The following MAPKAP1 variants were observed in gnomAD, a reference collection of about 807,000 sequenced individuals.
MAPKAP1 encodes MAPK associated protein 1.
A neutral mutation model predicts 65.7 loss-of-function variants in MAPKAP1; 20 were observed. That is an observed-to-expected ratio of 0.30 (90% CI 0.21 to 0.44). The LOEUF (loss-of-function observed/expected upper bound fraction) is 0.44. MAPKAP1 is among the 20% of genes least tolerant of loss of function. The pLI is 1.00. For synonymous variants in MAPKAP1, 222 were observed against 244.3 expected, an observed-to-expected ratio of 0.91 and a Z score of 0.85; for missense variants, 423 against 648.0, an observed-to-expected ratio of 0.65 and a Z score of 3.77.
At chr9:125,694,674 G>A (rs1250913612) in intron 1 of MAPKAP1, among the ~76,000 whole-genome samples, 1 of 152,152 alleles carries the variant, frequency 6.6e-6, no homozygotes, top group African/African-American at 2.4e-5. Flanking sequence ...ACCAAGTGAA[G>A]GTTACTGTGA....
At chr9:125,497,072 A>C (rs1828829642) in intron 8 of MAPKAP1, among the ~76,000 whole-genome samples, 1 of 152,122 alleles carries the variant, frequency 6.6e-6, no homozygotes, top group Admixed American at 6.5e-5. Context: ...GCAGCCAGGT[A>C]ATCTGGGCAG....
intron 1 of MAPKAP1, among the ~76,000 whole-genome samples, chr9:125,703,887 A>T (rs753670751): frequency 2.2e-4 from 33 of 152,202 alleles, no homozygotes; most frequent in Non-Finnish European, 3.5e-4. Flanking sequence ...TTGCCAGCAA[A>T]TTATCTTAGG....
intron 1 of MAPKAP1, among the ~76,000 whole-genome samples, chr9:125,673,965 A>AAACG (rs397757561): frequency 6.6e-6 from 1 of 151,326 alleles, no homozygotes; most frequent in South Asian, 2.1e-4. Flanking sequence ...AAAACAAAAC[A>AAACG]TACAAAAAAC....
At chr9:125,573,180 C>T (rs1589299585) in intron 5 of MAPKAP1, among the ~76,000 whole-genome samples, 1 of 151,722 alleles carries the variant, frequency 6.6e-6, no homozygotes, top group Non-Finnish European at 1.5e-5. Context: ...AGGCTGAAAC[C>T]TACCAGGCTG....
At chr9:125,633,132 T>C (rs1274390364) in intron 4 of MAPKAP1, among the ~76,000 whole-genome samples, 1 of 152,174 alleles carries the variant, frequency 6.6e-6, no homozygotes, top group Non-Finnish European at 1.5e-5. Flanking sequence ...AAAAGAGAAG[T>C]CTATGAAGTG....
intron 8 of MAPKAP1, among the ~76,000 whole-genome samples, chr9:125,500,675 G>A (rs1451718112): frequency 6.6e-6 from 1 of 152,192 alleles, no homozygotes; most frequent in East Asian, 1.9e-4. Context: ...AGGGGAATTA[G>A]GGGATGGAAG....
At chr9:125,594,402 C>T (rs1832063612) in intron 4 of MAPKAP1, among the ~76,000 whole-genome samples, 1 of 152,130 alleles carries the variant, frequency 6.6e-6, no homozygotes, top group African/African-American at 2.4e-5. Flanking sequence ...TCAGCTAGGC[C>T]CAGGTCGGAA....
chr9:125,549,914 A>G (rs1445813086), intron 6 of MAPKAP1, among the ~76,000 whole-genome samples: 7 of 152,176 alleles, frequency 4.6e-5, no homozygotes, highest in Non-Finnish European at 8.8e-5. Context: ...ATAACTGCAA[A>G]GACATTCACA....
At chr9:125,557,870 A>G (rs1830783549) in intron 6 of MAPKAP1, among the ~76,000 whole-genome samples, 1 of 152,088 alleles carries the variant, frequency 6.6e-6, no homozygotes, top group Non-Finnish European at 1.5e-5. Flanking sequence ...ATAATTTATT[A>G]TTTTTAGATG....
At chr9:125,467,722 T>G (rs542920729) in intron 10 of MAPKAP1, among the ~76,000 whole-genome samples, 1 of 152,298 alleles carries the variant, frequency 6.6e-6, no homozygotes, top group East Asian at 1.9e-4. Flanking sequence ...CTCCCGGGGC[T>G]GGGCTGCTGA....
intron 8 of MAPKAP1, among the ~76,000 whole-genome samples, chr9:125,489,605 A>C (rs1854625734): frequency 6.6e-6 from 1 of 152,114 alleles, no homozygotes; most frequent in Non-Finnish European, 1.5e-5. Context: ...CAGAAAACCC[A>C]GGAGGAGAAG....
Position 125,595,603 on chromosome 9 carries a change from A to G in MAPKAP1, c.499-9876T>C. ...TAAGAAATATCATGCTATGTTTGTC[A>G]GCTTACTCCTTTCTGCCTGTGGACA... On this transcript the variant is annotated intron_variant, in intron 4 of 11. Transcript: ENST00000265960. This position sits in a 1 kb window ranked among gnomAD's most constrained non-coding sequence, Gnocchi z 4.0. 2 of 1,345,042 alleles carry G rather than the reference A, an allele frequency of 1.5e-6. No homozygotes were observed. The highest frequency in any genetic ancestry group is 1.7e-5 in the South Asian group (1 of 59,344). The allele number at this position is 1,345,042 out of a possible 1,614,324, so 83.3% of individuals were successfully genotyped here.
At chr9:125,641,887 C>T (rs1390509188) in intron 4 of MAPKAP1, among the ~76,000 whole-genome samples, 6 of 152,112 alleles carry the variant, frequency 3.9e-5, no homozygotes, top group African/African-American at 1.4e-4. Context: ...CAAAAATTAG[C>T]CAGGCATGGT....
In MAPKAP1 at chr9:125,534,987, C is replaced by T. The variant is rs140052068; in HGVS notation, c.958+8072G>A. 4.4e-3 allele frequency among the ~76,000 whole-genome samples: 665 copies of T among 152,278 alleles called. 7 individuals carry two copies. The highest frequency in any genetic ancestry group is 0.015 in the African/African-American group (636 of 41,542). On this transcript the variant is annotated intron_variant, in intron 7 of 11. Transcript: ENST00000265960. ...ATAGAAAGCTGCTTGAGAGTAGGAA[C>T]GATTTCTTGGTCTTTACAAAATTCT...
chr9:125,666,175 A>G lies in MAPKAP1; in HGVS notation c.349+3643T>C, dbSNP rs532361279. 3.9e-5 allele frequency among the ~76,000 whole-genome samples: 6 copies of G among 152,336 alleles called. No individual in the cohort carries two copies. In the South Asian group the frequency reaches 1.0e-3, roughly 26 times the overall value. On this transcript the variant is annotated intron_variant, in intron 3 of 11. Coordinates refer to ENST00000265960, the MANE Select transcript of MAPKAP1 (RefSeq NM_001006617.3). Reference sequence around the variant, plus strand: ...GATGACACCATGTTCTTATCTATCCATGCAGTTTTAGTTACAAGAATATTA... The same window carrying G: ...GATGACACCATGTTCTTATCTATCCGTGCAGTTTTAGTTACAAGAATATTA...
At chr9:125,554,588 CAGG>C (rs1043306716) in intron 6 of MAPKAP1, among the ~76,000 whole-genome samples, 1 of 152,056 alleles carries the variant, frequency 6.6e-6, no homozygotes, top group African/African-American at 2.4e-5. Context: ...TGCTTGAGCT[CAGG>C]AGTTCAGGAC....
chr9:125,589,267 A>G (rs780263738), intron 4 of MAPKAP1, among the ~76,000 whole-genome samples: 37 of 152,190 alleles, frequency 2.4e-4, no homozygotes, highest in Admixed American at 1.3e-4. Context: ...TCTCCTTCAG[A>G]GCGCTTAACA....
At position 125,595,417 on chromosome 9, in the gene MAPKAP1, A is replaced by G. The variant is rs532274759; in HGVS notation, c.499-9690T>C. 1 of 472,054 alleles carries G rather than the reference A, an allele frequency of 2.1e-6. No individual in the cohort carries two copies. Among genetic ancestry groups the G allele is most frequent in the South Asian group, 7.5e-5 (1 of 13,378 alleles). The allele number at this position is 472,054 out of a possible 1,614,324, so 29.2% of individuals were successfully genotyped here. Reference sequence around the variant, plus strand: ...TATTTGAACATGCTGATGAATTAAAACATTATCTAGAGCAGCTTTTCTCAG... The same window carrying G: ...TATTTGAACATGCTGATGAATTAAAGCATTATCTAGAGCAGCTTTTCTCAG... On this transcript the variant is annotated intron_variant, in intron 4 of 11. Coordinates refer to ENST00000265960, the MANE Select transcript of MAPKAP1 (RefSeq NM_001006617.3). The surrounding 1 kb of genome is among the most constrained non-coding windows in gnomAD (Gnocchi z 4.0).
rs1013428730 is a variant in MAPKAP1, at chr9:125,438,125, C to T, written c.*762G>A. 5.8e-5 allele frequency: 22 copies of T among 379,676 alleles called. No individual in the cohort carries two copies. The highest frequency in any genetic ancestry group is 8.9e-5 in the Non-Finnish European group (19 of 214,662). The allele number at this position is 379,676 out of a possible 1,614,324, so 23.5% of individuals were successfully genotyped here. ...AGACCATGTCTGGCTGGGAGTGCAG[C>T]GTGCCTGAGGACCAGCCACCGCCCC... On this transcript the variant is annotated 3_prime_UTR_variant, in exon 12 of 12. Coordinates refer to ENST00000265960, the MANE Select transcript of MAPKAP1 (RefSeq NM_001006617.3).
Sources: gnomAD v4.1 joint callset for allele counts (sites outside exome capture counted in the v4.1 genomes callset) on GRCh38, gnomAD v4.1.1 for gene constraint, Gnocchi (gnomAD v3.1) non-coding constraint, MANE v1.5 for transcripts, NCBI Gene and HGNC (gene_info 2026-07-23, HGNC 2026-07-21) for gene names.